Variants in TADA2A observed in about 807,000 individuals in gnomAD.
TADA2A encodes transcriptional adapter 2-alpha.
Under a neutral mutation model 67.4 loss-of-function variants are expected in TADA2A, and 38 were observed. That is an observed-to-expected ratio of 0.56 (90% CI 0.44 to 0.74). The LOEUF (loss-of-function observed/expected upper bound fraction) is 0.74, where lower values mean the gene tolerates loss of function less well. TADA2A is among the 30% of genes least tolerant of loss of function. The pLI, the probability that TADA2A is intolerant of heterozygous loss-of-function variation, is 0.00. For synonymous variants in TADA2A, 192 were observed against 181.6 expected (o/e 1.06, Z -0.46); for missense variants, 454 against 547.0 (o/e 0.83, Z 1.70).
At chr17:37,459,510 C>T (rs2053492688) in intron 9 of TADA2A, among the ~76,000 whole-genome samples, 1 of 151,108 alleles carries the variant, frequency 6.6e-6, no homozygotes, top group Non-Finnish European at 1.5e-5. Context: ...CTTGAACTCC[C>T]CACCTTAAGT....
At chr17:37,420,244 G>GT (rs2052190591) in intron 2 of TADA2A, among the ~76,000 whole-genome samples, 1 of 146,358 alleles carries the variant, frequency 6.8e-6, no homozygotes, top group Admixed American at 6.9e-5. Flanking sequence ...GAGGCTGGAA[G>GT]TTTGAGACCA....
intron 2 of TADA2A, among the ~76,000 whole-genome samples, chr17:37,415,968 T>C (rs1389351119): frequency 6.6e-6 from 1 of 151,942 alleles, no homozygotes; most frequent in East Asian, 1.9e-4. Flanking sequence ...GGTGAGAAAC[T>C]ATATGTCAGG....
At chr17:37,426,663 C>CAAAAAAAAA (rs1424101658) in intron 3 of TADA2A, 1 of 98,486 alleles carries the variant, frequency 1.0e-5, no homozygotes, top group Non-Finnish European at 1.7e-5. Context: ...GACTCCGTCT[C>CAAAAAAAAA]AGAAAAAAAA....
rs1382412762 is a variant in TADA2A, at chr17:37,479,144, A to T, written c.*2162A>T. 1 of 152,300 alleles carries T rather than the reference A, an allele frequency of 6.6e-6. No individual in the cohort carries two copies. Among genetic ancestry groups the T allele is most frequent in the Non-Finnish European group, 1.5e-5 (1 of 68,104 alleles). 9.4% of individuals were successfully genotyped at this position (152,300 alleles called of 1,614,324 possible). ...GGTGGGCTTTTGGGGCAATTATATG[A>T]TAGAGAAGAGAGAGAAAAATGGCAG... On this transcript the variant is annotated 3_prime_UTR_variant, in exon 16 of 16. Transcript: ENST00000615182.
intron 8 of TADA2A, among the ~76,000 whole-genome samples, chr17:37,453,759 ATTTTTTTTTTTTTT>A (rs143096066): frequency 1.2e-4 from 8 of 69,066 alleles, no homozygotes. Flanking sequence ...GAAATAACTG[ATTTTTTTTTTTTTT>A]TTTTTTTTTT....
chr17:37,466,986 A>G (rs1194658811), intron 11 of TADA2A, among the ~76,000 whole-genome samples: 1 of 152,050 alleles, frequency 6.6e-6, no homozygotes, highest in Admixed American at 6.5e-5. Flanking sequence ...GCAGAACCCC[A>G]TCTCTACTAA....
At chr17:37,446,005 A>G (rs2053067174) in intron 8 of TADA2A, among the ~76,000 whole-genome samples, 1 of 151,890 alleles carries the variant, frequency 6.6e-6, no homozygotes, top group Non-Finnish European at 1.5e-5. Context: ...GATATTTGTT[A>G]TACCAGATCT....
At chr17:37,456,399 G>A (rs1177930813) in intron 8 of TADA2A, among the ~76,000 whole-genome samples, 2 of 152,190 alleles carry the variant, frequency 1.3e-5, no homozygotes, top group Non-Finnish European at 2.9e-5. Context: ...GAATGGAGTC[G>A]ATAAGTGAGT....
chr17:37,425,289 T>C (rs1375741057), intron 3 of TADA2A, among the ~76,000 whole-genome samples: 4 of 152,216 alleles, frequency 2.6e-5, no homozygotes. Flanking sequence ...GACTGATCTC[T>C]GTACAGATGA....
chr17:37,445,421 A>G (rs1366022295), intron 8 of TADA2A, among the ~76,000 whole-genome samples: 6 of 152,150 alleles, frequency 3.9e-5, no homozygotes, highest in African/African-American at 7.2e-5. Context: ...GTTTGCCACC[A>G]TGCCCAGCTA....
Position 37,409,639 on chromosome 17 carries a change from C to T in TADA2A, c.-97-1630C>T, listed in dbSNP as rs150730472. ...AAAATTAGCCAGGCCTGGTGGCCCG[C>T]GCCTGTAATCCCAGCTAATTGGGAG... On this transcript the variant is annotated intron_variant, in intron 1 of 15. Coordinates refer to ENST00000615182, the MANE Select transcript of TADA2A (RefSeq NM_001166105.3). Among the ~76,000 whole-genome samples, 772 of 150,770 alleles carry T rather than the reference C, an allele frequency of 5.1e-3. 8 individuals carry two copies. Among genetic ancestry groups the T allele is most frequent in the African/African-American group, 0.018 (728 of 41,096 alleles).
At chr17:37,445,220 A>T (rs1468797520) in intron 8 of TADA2A, among the ~76,000 whole-genome samples, 2 of 152,136 alleles carry the variant, frequency 1.3e-5, no homozygotes, top group Non-Finnish European at 2.9e-5. Flanking sequence ...CAAATGGGGA[A>T]TTTCTTGTTT....
chr17:37,444,912 T>A, intron 8 of TADA2A, 144 bp downstream of exon 8: 1 of 754,710 alleles, frequency 1.3e-6, no homozygotes. Context: ...CTGAACTTAC[T>A]GTGTTGTTGG....
At chr17:37,437,088 T>G (rs976418396) in intron 4 of TADA2A, among the ~76,000 whole-genome samples, 2 of 139,726 alleles carry the variant, frequency 1.4e-5, no homozygotes, top group Non-Finnish European at 3.1e-5. Context: ...TTATTTTTAA[T>G]TTTTTTTTTT....
chr17:37,455,263 C>T (rs1428618799), intron 8 of TADA2A, among the ~76,000 whole-genome samples: 5 of 149,722 alleles, frequency 3.3e-5, no homozygotes, highest in Non-Finnish European at 5.9e-5. Flanking sequence ...TTTCTTCTAG[C>T]GTTGTTACTA....
At chr17:37,449,724 A>G (rs186288170) in intron 8 of TADA2A, among the ~76,000 whole-genome samples, 11 of 151,168 alleles carry the variant, frequency 7.3e-5, no homozygotes, top group African/African-American at 2.7e-4. Flanking sequence ...GGCTCAAACT[A>G]TCCTCCCACC....
rs564951677 is a variant in TADA2A, at chr17:37,476,556, G to A, written c.1147-241G>A. 7.9e-5 allele frequency among the ~76,000 whole-genome samples: 12 copies of A among 152,276 alleles called. No individual in the cohort carries two copies. In the East Asian group the frequency reaches 2.1e-3, roughly 27 times the overall value. On this transcript the variant is annotated intron_variant, in intron 15 of 15. Coordinates refer to ENST00000615182, the MANE Select transcript of TADA2A (RefSeq NM_001166105.3). ...CTAACAAACCCAGGCCCCTGAGCCA[G>A]CTGGCATGTGCTAAAGGCTCTTCTA...
intron 9 of TADA2A, among the ~76,000 whole-genome samples, chr17:37,459,485 G>A (rs538489310): frequency 6.6e-6 from 1 of 151,326 alleles, no homozygotes; most frequent in South Asian, 2.1e-4. Context: ...GTTTTGCCAT[G>A]TTGTCCAGGC....
intron 2 of TADA2A, among the ~76,000 whole-genome samples, chr17:37,412,803 T>C (rs1296048165): frequency 6.6e-6 from 1 of 151,482 alleles, no homozygotes; most frequent in Non-Finnish European, 1.5e-5. Flanking sequence ...AAAATTATAC[T>C]GCTCTTTTTC....
Sources: allele counts gnomAD v4.1 joint callset (sites outside exome capture counted in the v4.1 genomes callset), GRCh38; gene constraint gnomAD v4.1.1; transcripts MANE v1.5; gene names NCBI Gene and HGNC (gene_info 2026-07-23, HGNC 2026-07-21).